Variants in F13A1 observed in about 807,000 individuals in gnomAD.
F13A1 encodes FSF, A subunit.
In F13A1, 47 loss-of-function variants were observed where a neutral mutation model predicts 80.1. The observed-to-expected ratio is 0.59, with a 90% confidence interval of 0.46 to 0.75. The LOEUF is 0.75. F13A1 is among the 30% of genes least tolerant of loss of function. F13A1 has a pLI of 0.00. For missense variants in F13A1, 817 were observed against 930.4 expected (o/e 0.88, Z 1.59); for synonymous variants, 349 against 344.9 (o/e 1.01, Z -0.13).
chr6:6,299,552 G>T (rs1758387893), intron 3 of F13A1, among the ~76,000 whole-genome samples: 1 of 135,950 alleles, frequency 7.4e-6, no homozygotes, highest in Non-Finnish European at 1.5e-5. Context: ...GGCTCCTGAG[G>T]CTTCTGCATT....
intron 1 of F13A1, among the ~76,000 whole-genome samples, chr6:6,320,299 C>T (rs1758756371): frequency 6.6e-6 from 1 of 152,206 alleles, no homozygotes; most frequent in African/African-American, 2.4e-5. Flanking sequence ...AAAGGGGGCT[C>T]GTCCCTTGGG....
At chr6:6,209,477 AC>A (rs1761562327) in intron 8 of F13A1, among the ~76,000 whole-genome samples, 1 of 152,218 alleles carries the variant, frequency 6.6e-6, no homozygotes, top group South Asian at 2.1e-4. Flanking sequence ...TTACCATACA[AC>A]CCAGAAATTC....
intron 3 of F13A1, among the ~76,000 whole-genome samples, chr6:6,283,940 C>T (rs1362301143): frequency 6.6e-6 from 1 of 152,150 alleles, no homozygotes; most frequent in African/African-American, 2.4e-5. Flanking sequence ...CATAACAATG[C>T]AAATAAATCC....
At chr6:6,197,131 A>G (rs1050745984) in intron 9 of F13A1, 92 bp downstream of exon 9, 87 of 1,199,064 alleles carry the variant, frequency 7.3e-5, no homozygotes, top group South Asian at 3.0e-4. Flanking sequence ...TTGCCTCCCA[A>G]TGGGCGTGGT....
intron 2 of F13A1, among the ~76,000 whole-genome samples, chr6:6,306,456 G>A (rs1260773192): frequency 6.6e-6 from 1 of 152,230 alleles, no homozygotes; most frequent in Admixed American, 6.5e-5. Context: ...GAGACGGCAT[G>A]AGATGACACG....
chr6:6,319,712 A>G (rs1179216434), intron 1 of F13A1, among the ~76,000 whole-genome samples: 1 of 152,188 alleles, frequency 6.6e-6, no homozygotes, highest in Non-Finnish European at 1.5e-5. Flanking sequence ...CCACCAGAGT[A>G]GAGAGATGGT....
At chr6:6,319,772 G>T (rs1449035806) in intron 1 of F13A1, among the ~76,000 whole-genome samples, 2 of 152,224 alleles carry the variant, frequency 1.3e-5, no homozygotes, top group South Asian at 2.1e-4. Context: ...AGACAACCAC[G>T]CCTAAGGTGT....
rs141228205 is a variant in F13A1, at chr6:6,239,088, T to C, written c.798+9224A>G. Among the ~76,000 whole-genome samples the C allele has an allele frequency of 5.3e-3, 813 of 152,248 alleles. 7 individuals carry two copies. Among genetic ancestry groups the C allele is most frequent in the African/African-American group, 0.019 (776 of 41,570 alleles). The stretch of plus-strand genomic sequence containing the variant: ...TAACTGTATTCATAATAGCTTCACA[T>C]TGGAAACATCTTAAACATGCATCAA... On this transcript the variant is annotated intron_variant, in intron 6 of 14. Transcript: ENST00000264870.
chr6:6,202,661 A>AAATC (rs1456323931), intron 8 of F13A1, among the ~76,000 whole-genome samples: 1 of 152,246 alleles, frequency 6.6e-6, no homozygotes, highest in African/African-American at 2.4e-5. Flanking sequence ...AGCAGTATAG[A>AAATC]AATCAAAATA....
At chr6:6,201,958 T>C (rs533627468) in intron 8 of F13A1, among the ~76,000 whole-genome samples, 3 of 152,194 alleles carry the variant, frequency 2.0e-5, no homozygotes, top group Admixed American at 1.3e-4. Context: ...ATTTTTTAAA[T>C]AGACACATAA....
intron 3 of F13A1, among the ~76,000 whole-genome samples, chr6:6,290,150 T>C (rs1758203852): frequency 6.6e-6 from 1 of 152,246 alleles, no homozygotes; most frequent in Non-Finnish European, 1.5e-5. Context: ...ATAGGCTTTA[T>C]GGTTGAAAGA....
At chr6:6,184,225 G>T (rs1363438529) in intron 10 of F13A1, among the ~76,000 whole-genome samples, 4 of 152,236 alleles carry the variant, frequency 2.6e-5, no homozygotes, top group Non-Finnish European at 5.9e-5. Context: ...AGACTCAGAA[G>T]GGGGAGGCAA....
rs931241469 is a variant in F13A1, at chr6:6,318,642, G to A, written c.23C>T (p.Ala8Val). Residue 8 changes from alanine to valine, a missense_variant, in exon 2 of 15, where the codon GCC becomes GTC. By Grantham distance (64) the Ala-to-Val change is moderately conservative (BLOSUM62 0). Coordinates refer to ENST00000264870, the MANE Select transcript of F13A1 (RefSeq NM_000129.4). Reference sequence around the variant, plus strand: ...TGGAACTGCTCTTCTGCCTCCAAAGGCGGTCCTGGAAGTTTCTGACATTTT... The same window carrying A: ...TGGAACTGCTCTTCTGCCTCCAAAGACGGTCCTGGAAGTTTCTGACATTTT... MSETSRT[A>V]FGGRRAVPPN... The A allele has an allele frequency of 6.2e-7, 1 of 1,612,840 alleles. No individual in the cohort carries two copies. Among genetic ancestry groups the A allele is most frequent in the Non-Finnish European group, 8.5e-7 (1 of 1,179,956 alleles).
In F13A1 at chr6:6,174,601, C is replaced by T. The variant is rs61734486; in HGVS notation, c.1726G>A (p.Val576Met). ...TTACAGGACAAGGGCTCCAGCGTCACGTCGAACGTCTCCTTCTTGAATTCT... is the reference window on the plus strand; with the variant it reads ...TTACAGGACAAGGGCTCCAGCGTCATGTCGAACGTCTCCTTCTTGAATTCT... The part of the protein sequence containing the change: ...KAEFKKETFD[V>M]TLEPLSFKKE... Residue 576 changes from valine (V) to methionine (M), a missense_variant, in exon 12 of 15, where the codon GTG becomes ATG. Physicochemically the swap from Val to Met is conservative, Grantham distance 21. Transcript: ENST00000264870. 127 of 1,614,030 alleles carry T rather than the reference C, an allele frequency of 7.9e-5. No homozygotes were observed. The highest frequency in any genetic ancestry group is 2.5e-4 in the African/African-American group (19 of 74,900).
chr6:6,224,698 C>T lies in F13A1; in HGVS notation c.961G>A (p.Val321Ile). 1 of 1,614,018 alleles carries T rather than the reference C, an allele frequency of 6.2e-7. No homozygotes were observed. The highest frequency in any genetic ancestry group is 1.1e-5 in the South Asian group (1 of 91,078). Residue 321 changes from valine to isoleucine, a missense_variant, in exon 7 of 15, where the codon GTC (valine) becomes ATC (isoleucine). Val to Ile is a conservative substitution (Grantham distance 29). Transcript: ENST00000264870. ...GTTGGATACTTACATGTGTTAAAGA[C>T]ACCAGCAAAAACCCAGCATTGGCCA... ...RYGQCWVFAG[V>I]FNTFLRCLGI...
intron 1 of F13A1, 30 bp downstream of exon 1, chr6:6,320,557 G>A (rs1432118760): frequency 2.3e-6 from 1 of 442,670 alleles, no homozygotes; most frequent in Non-Finnish European, 4.7e-6. Flanking sequence ...AGCGGGCCCT[G>A]GCTCATAGGG....
intron 10 of F13A1, among the ~76,000 whole-genome samples, chr6:6,190,999 C>T (rs376334990): frequency 4.6e-4 from 62 of 134,994 alleles, no homozygotes; most frequent in African/African-American, 7.6e-4. Context: ...AGGTGCCATC[C>T]GTCACCCCTT....
rs770054782 is a variant in F13A1, at chr6:6,222,083, G to T, written c.1062C>A (p.Phe354Leu). 6.2e-7 allele frequency: 1 copy of T among 1,614,016 alleles called. No individual in the cohort carries two copies. The highest frequency in any genetic ancestry group is 1.1e-5 in the South Asian group (1 of 91,068). Residue 354 changes from phenylalanine (F) to leucine (L), a missense_variant, in exon 8 of 15, where the codon TTC (phenylalanine) becomes TTA (leucine). Coordinates refer to ENST00000264870, the MANE Select transcript of F13A1 (RefSeq NM_000129.4). ...AATTCACGTTCCCATCTTCTTCCAG[G>T]AAGATGTCCATTTGCAAATTGGCAT... is the stretch of plus-strand genomic sequence containing the variant. ...DNDANLQMDI[F>L]LEEDGNVNSK...
Position 6,253,163 on chromosome 6 carries a change from AGAG to A in F13A1, c.572-2237_572-2235del, listed in dbSNP as rs142677301. Among the ~76,000 whole-genome samples the A allele has an allele frequency of 7.6e-3, 646 of 85,376 alleles. 10 individuals are homozygous for A. The highest frequency in any genetic ancestry group is 0.036 in the African/African-American group (578 of 16,180). 56.0% of individuals were successfully genotyped at this position (85,376 alleles called of 152,430 possible). On this transcript the variant is annotated intron_variant, in intron 4 of 14. Transcript: ENST00000264870. ...GTCCCAAAAAAAAAAAAAAAAAAAA[AGAG>A]AGAGAGAGAGAGAGAAAATAGCCAA...
Sources: gnomAD v4.1 joint callset for allele counts (sites outside exome capture counted in the v4.1 genomes callset) on GRCh38, gnomAD v4.1.1 for gene constraint, MANE v1.5 for transcripts, NCBI Gene and HGNC (gene_info 2026-07-23, HGNC 2026-07-21) for gene names.